Variants in PPHLN1 observed in about 807,000 individuals in gnomAD.
The protein encoded by PPHLN1 is periphilin-1.
In PPHLN1, 29 loss-of-function variants were observed where a neutral mutation model predicts 51.3. The ratio of observed to expected loss-of-function variants is 0.57; its 90% CI spans 0.42 to 0.77. The LOEUF (loss-of-function observed/expected upper bound fraction) is 0.77, where lower values mean the gene tolerates loss of function less well. PPHLN1 is among the 30% of genes least tolerant of loss of function. The pLI is 0.00. For synonymous variants in PPHLN1, 147 were observed against 147.8 expected, an observed-to-expected ratio of 0.99 and a Z score of 0.04; for missense variants, 436 against 438.4, an observed-to-expected ratio of 0.99 and a Z score of 0.05.
chr12:42,404,550 C>A (rs946838660), intron 9 of PPHLN1, among the ~76,000 whole-genome samples: 2 of 151,988 alleles, frequency 1.3e-5, no homozygotes, highest in Admixed American at 6.6e-5. Context: ...ACAACAACAA[C>A]AAAAATATTT....
chr12:42,354,223 T>C (rs1295232606), intron 3 of PPHLN1, among the ~76,000 whole-genome samples: 1 of 152,228 alleles, frequency 6.6e-6, no homozygotes, highest in Non-Finnish European at 1.5e-5. Context: ...TATAATTTTA[T>C]TTATTTATTT....
chr12:42,371,278 C>G (rs967672464), intron 4 of PPHLN1, among the ~76,000 whole-genome samples: 2 of 151,960 alleles, frequency 1.3e-5, no homozygotes, highest in Non-Finnish European at 2.9e-5. Flanking sequence ...TGCCACCTCG[C>G]TCAGCTATTT....
intron 8 of PPHLN1, among the ~76,000 whole-genome samples, chr12:42,398,271 T>C (rs1199294696): frequency 6.6e-6 from 1 of 152,188 alleles, no homozygotes; most frequent in Non-Finnish European, 1.5e-5. Flanking sequence ...TTTTTAATGA[T>C]TTCAGTGAAT....
intron 1 of PPHLN1, chr12:42,332,698 C>T (rs1207424290): frequency 6.6e-7 from 1 of 1,526,450 alleles, no homozygotes; most frequent in African/African-American, 1.4e-5. Context: ...CCTAAAAGGA[C>T]TCAAGTAAGT....
downstream of PPHLN1, chr12:42,446,637 C>T: frequency 7.4e-6 from 12 of 1,612,908 alleles, no homozygotes; most frequent in Non-Finnish European, 1.0e-5. Context: ...CCTGACAAAA[C>T]TGTTGCTGCA....
chr12:42,380,823 A>T (rs1029439852), intron 5 of PPHLN1, among the ~76,000 whole-genome samples: 1 of 152,186 alleles, frequency 6.6e-6, no homozygotes, highest in African/African-American at 2.4e-5. Context: ...TCTCTTAGCA[A>T]CAAAATATCC....
At chr12:42,427,252 T>G (rs988378182) in intron 9 of PPHLN1, among the ~76,000 whole-genome samples, 4 of 152,244 alleles carry the variant, frequency 2.6e-5, no homozygotes, top group Non-Finnish European at 5.9e-5. Context: ...AATTCTCAAA[T>G]ATTTCTTTTG....
chr12:42,440,995 C>A (rs1054616623), intron 9 of PPHLN1, among the ~76,000 whole-genome samples: 2 of 152,222 alleles, frequency 1.3e-5, no homozygotes, highest in African/African-American at 4.8e-5. Context: ...TCTTCCCTAG[C>A]CTTTGTTCTT....
intron 9 of PPHLN1, among the ~76,000 whole-genome samples, chr12:42,428,538 TCTCA>T (rs757196974): frequency 6.6e-6 from 1 of 152,172 alleles, no homozygotes; most frequent in Admixed American, 6.5e-5. Context: ...CATCGTATGT[TCTCA>T]CTCATATGTG....
At chr12:42,337,563 T>G (rs1197452100) in intron 2 of PPHLN1, among the ~76,000 whole-genome samples, 1 of 151,628 alleles carries the variant, frequency 6.6e-6, no homozygotes, top group Non-Finnish European at 1.5e-5. Context: ...CCCAAAGTTC[T>G]GGGATTACAG....
rs78969582 is a variant in PPHLN1 at position 42,327,783 on chromosome 12, G to C, written c.-21+1554G>C. On this transcript the variant is annotated intron_variant, in intron 1 of 9. Coordinates refer to ENST00000358314, the MANE Select transcript of PPHLN1 (RefSeq NM_201439.2). ...CAGTTCTTGGCACATAAGACAGTCA[G>C]TTATTTCTTGAATGATTGCAGGTGC... Among the ~76,000 whole-genome samples the C allele has an allele frequency of 5.3e-3, 805 of 152,298 alleles. 5 individuals are homozygous for C. The highest frequency in any genetic ancestry group is 0.037 in the Middle Eastern group (11 of 294).
In PPHLN1 at chr12:42,374,846, T is replaced by C; in HGVS notation, c.300-17T>C. ...AGAGTATAATTAACTTATTTTATGT[T>C]TTTTTTTTTTTCAAAGGGACATGAG... On this transcript the variant is annotated splice_polypyrimidine_tract_variant and intron_variant, in intron 4 of 9. Transcript: ENST00000358314. The C allele has an allele frequency of 6.6e-7, 1 of 1,513,158 alleles. No homozygotes were observed. The highest frequency in any genetic ancestry group is 1.8e-4 in the Middle Eastern group (1 of 5,676). 93.7% of individuals were successfully genotyped at this position (1,513,158 alleles called of 1,614,324 possible). A position where few individuals can be genotyped will look rare whatever the true frequency, so the allele number is the denominator to read the frequency against.
At chr12:42,397,973 C>CG (rs1229256503) in intron 8 of PPHLN1, among the ~76,000 whole-genome samples, 2 of 147,042 alleles carry the variant, frequency 1.4e-5, no homozygotes, top group Non-Finnish European at 3.0e-5. Context: ...CCGCCTGCCT[C>CG]GGGTTTTTTT....
intron 8 of PPHLN1, among the ~76,000 whole-genome samples, chr12:42,397,695 G>A (rs2078379824): frequency 6.6e-6 from 1 of 152,016 alleles, no homozygotes; most frequent in African/African-American, 2.4e-5. Context: ...TTTGGTATAA[G>A]TCCCTTAACA....
chr12:42,379,987 T>C (rs1490743614), intron 5 of PPHLN1, among the ~76,000 whole-genome samples: 1 of 152,080 alleles, frequency 6.6e-6, no homozygotes, highest in African/African-American at 2.4e-5. Context: ...TTATGATCCT[T>C]CATCTTTACT....
intron 9 of PPHLN1, among the ~76,000 whole-genome samples, chr12:42,423,731 G>A (rs1348417028): frequency 5.3e-5 from 8 of 151,398 alleles, no homozygotes; most frequent in Non-Finnish European, 1.2e-4. Flanking sequence ...AGGTTGGAGT[G>A]CAGTGGCATG....
intron 9 of PPHLN1, among the ~76,000 whole-genome samples, chr12:42,434,319 A>C (rs1690346511): frequency 6.6e-6 from 1 of 152,226 alleles, no homozygotes; most frequent in African/African-American, 2.4e-5. Context: ...ATCAGGAAGA[A>C]TAGCTAATGG....
intron 9 of PPHLN1, chr12:42,431,532 C>T (rs568789673): frequency 1.2e-5 from 7 of 562,968 alleles, no homozygotes; most frequent in Admixed American, 9.4e-5. Context: ...GATCCCTCCC[C>T]TTTTTGAATT....
intron 9 of PPHLN1, among the ~76,000 whole-genome samples, chr12:42,412,573 T>A (rs755085745): frequency 6.6e-5 from 10 of 152,172 alleles, no homozygotes; most frequent in Non-Finnish European, 1.3e-4. Context: ...TTTTTAATTT[T>A]TTTTCCTTCC....
Sources: gnomAD v4.1 joint callset for allele counts (sites outside exome capture counted in the v4.1 genomes callset) on GRCh38, gnomAD v4.1.1 for gene constraint, MANE v1.5 for transcripts, NCBI Gene and HGNC (gene_info 2026-07-23, HGNC 2026-07-21) for gene names.